CTNND2: variants seen among roughly 807,000 people sequenced by gnomAD.
CTNND2 encodes the protein catenin delta 2.
CTNND2 carries 22 observed loss-of-function variants against 144.4 expected under a neutral mutation model. That is an observed-to-expected ratio of 0.15 (90% CI 0.11 to 0.22). CTNND2 has a LOEUF of 0.22. Ranked by LOEUF, CTNND2 falls within the 10% of genes least tolerant of loss-of-function variation. The pLI, the probability that CTNND2 is intolerant of heterozygous loss-of-function variation, is 1.00. For synonymous variants in CTNND2, 751 were observed against 695.6 expected, an observed-to-expected ratio of 1.08 and a Z score of -1.25; for missense variants, 1,353 against 1,618.8, an observed-to-expected ratio of 0.84 and a Z score of 2.82.
At chr5:11,086,454 T>TA (rs1315288731) in intron 15 of CTNND2, among the ~76,000 whole-genome samples, 2 of 152,094 alleles carry the variant, frequency 1.3e-5, no homozygotes, top group Non-Finnish European at 2.9e-5. Flanking sequence ...GTGAGGAACG[T>TA]AAAATGTGGC....
In CTNND2 at chr5:11,460,830, T is replaced by C. The variant is rs528994297; in HGVS notation, c.288-48761A>G. 2.0e-5 allele frequency among the ~76,000 whole-genome samples: 3 copies of C among 152,140 alleles called. No individual in the cohort carries two copies. In the South Asian group the frequency reaches 6.2e-4, roughly 32 times the overall value. On this transcript the variant is annotated intron_variant, in intron 3 of 21. Transcript: ENST00000304623. ...ACTTTGGGAGGCTGAGGTGGGCGGA[T>C]CATGAGGTCAAGAAATCAAGACCAT...
At chr5:11,316,638 C>T (rs979783334) in intron 9 of CTNND2, among the ~76,000 whole-genome samples, 1 of 151,178 alleles carries the variant, frequency 6.6e-6, no homozygotes, top group African/African-American at 2.4e-5. Flanking sequence ...CTATCCCTCC[C>T]CCTTCCCCCC....
At chr5:11,497,582 T>G (rs902741620) in intron 3 of CTNND2, among the ~76,000 whole-genome samples, 2 of 140,942 alleles carry the variant, frequency 1.4e-5, no homozygotes, top group Non-Finnish European at 3.0e-5. Context: ...TTTAAAGTAC[T>G]GAAATATCTG....
chr5:10,980,113 G>A lies in CTNND2; in HGVS notation c.3417+1660C>T, dbSNP rs573925786. Among the ~76,000 whole-genome samples, 15 of 152,206 alleles carry A rather than the reference G, an allele frequency of 9.9e-5. No homozygotes were observed. The South Asian group carries it at 3.1e-3, about 32-fold the overall frequency. On this transcript the variant is annotated intron_variant, in intron 21 of 21. Coordinates refer to ENST00000304623, the MANE Select transcript of CTNND2 (RefSeq NM_001332.4). ...AAAGAAACTATCATCAGAGTGAACA[G>A]GCAACTATAGAATGGGAGAAATTTT...
chr5:11,087,528 G>T lies in CTNND2; in HGVS notation c.2638-4682C>A, dbSNP rs548924637. 4.6e-5 allele frequency among the ~76,000 whole-genome samples: 7 copies of T among 152,270 alleles called. No individual in the cohort carries two copies. The East Asian group carries it at 1.3e-3, about 29-fold the overall frequency. Reference sequence around the variant, plus strand: ...AGCACAAGGTCCTTCAAATGATGGGGTTACTCTGCAATGGATATAGAAGTC... The same window carrying T: ...AGCACAAGGTCCTTCAAATGATGGGTTTACTCTGCAATGGATATAGAAGTC... On this transcript the variant is annotated intron_variant, in intron 15 of 21. Coordinates refer to ENST00000304623, the MANE Select transcript of CTNND2 (RefSeq NM_001332.4).
intron 15 of CTNND2, among the ~76,000 whole-genome samples, chr5:11,090,623 A>G (rs1048839507): frequency 6.6e-6 from 1 of 152,182 alleles, no homozygotes; most frequent in African/African-American, 2.4e-5. Context: ...GAGGTGGAAC[A>G]GTTTCATTCC....
intron 3 of CTNND2, among the ~76,000 whole-genome samples, chr5:11,515,926 C>A (rs1772124093): frequency 6.6e-6 from 1 of 152,010 alleles, no homozygotes; most frequent in South Asian, 2.1e-4. Flanking sequence ...ATAGCAAGAA[C>A]CCATCTCTAC....
chr5:11,397,159 G>T lies in CTNND2; in HGVS notation c.484C>A (p.Pro162Thr). ...SQSALQLNSK[P>T]EGSFQYPASY... is the part of the protein sequence containing the mutation. ...GCCGGATACTGGAAAGACCCTTCAGGTTTGGAATTGAGCTGAAGTGCACTC... is the reference window on the plus strand; with the variant it reads ...GCCGGATACTGGAAAGACCCTTCAGTTTTGGAATTGAGCTGAAGTGCACTC... The change falls in exon 6 of 22, where the codon CCT (proline) becomes ACT (threonine). Residue 162 changes from proline to threonine, a missense_variant. By Grantham distance (38) the Pro-to-Thr change is conservative (BLOSUM62 -1). Around this residue, in one of 4 missense-constraint regions of CTNND2, gnomAD observed 708 missense variants for 706.4 expected, o/e 1.00. Coordinates refer to ENST00000304623, the MANE Select transcript of CTNND2 (RefSeq NM_001332.4). The T allele has an allele frequency of 1.2e-6, 2 of 1,614,232 alleles. No individual in the cohort carries two copies. The highest frequency in any genetic ancestry group is 1.3e-5 in the African/African-American group (1 of 75,066).
At chr5:11,856,779 AT>A (rs1211820984) in intron 1 of CTNND2, among the ~76,000 whole-genome samples, 1 of 152,190 alleles carries the variant, frequency 6.6e-6, no homozygotes, top group Non-Finnish European at 1.5e-5. Context: ...TATCTATAAT[AT>A]TTTTAAAATA....
chr5:11,094,480 CTTT>C (rs35048441), intron 15 of CTNND2, among the ~76,000 whole-genome samples: 8 of 127,858 alleles, frequency 6.3e-5, no homozygotes, highest in Non-Finnish European at 3.3e-5. Context: ...AGAGTTCTTG[CTTT>C]TTTTTTTTTT....
intron 12 of CTNND2, among the ~76,000 whole-genome samples, chr5:11,142,854 C>T (rs991554273): frequency 6.6e-5 from 10 of 152,120 alleles, no homozygotes; most frequent in South Asian, 2.1e-4. Flanking sequence ...CCTCGTGATC[C>T]GCCCGTCTCG....
Position 11,701,304 on chromosome 5 carries a change from C to T in CTNND2, c.174+30832G>A, listed in dbSNP as rs563854985. ...GGACCTTCCATGCAGAGAATTCCAT[C>T]GGATGTCACAGATAATGGCTGCCTT... is the stretch of plus-strand genomic sequence containing the variant. On this transcript the variant is annotated intron_variant, in intron 2 of 21. Coordinates refer to ENST00000304623, the MANE Select transcript of CTNND2 (RefSeq NM_001332.4). 5.9e-5 allele frequency among the ~76,000 whole-genome samples: 9 copies of T among 152,290 alleles called. No homozygotes were observed. The South Asian group carries it at 1.7e-3, about 28-fold the overall frequency.
chr5:11,334,821 A>C (rs1442475487), intron 9 of CTNND2, among the ~76,000 whole-genome samples: 1 of 152,226 alleles, frequency 6.6e-6, no homozygotes, highest in Non-Finnish European at 1.5e-5. Context: ...GAGGCCCCCA[A>C]ACTAAGGACC....
chr5:11,902,152 A>G (rs61761562), intron 1 of CTNND2, among the ~76,000 whole-genome samples: 1 of 152,328 alleles, frequency 6.6e-6, no homozygotes, highest in East Asian at 1.9e-4. Context: ...CTCCGAATGT[A>G]ATCGTCTTCC....
intron 1 of CTNND2, among the ~76,000 whole-genome samples, chr5:11,804,063 C>CT (rs1002496431): frequency 1.3e-5 from 2 of 152,176 alleles, no homozygotes; most frequent in African/African-American, 2.4e-5. Context: ...GGGCAAGACT[C>CT]TGACAGGGAC....
intron 10 of CTNND2, among the ~76,000 whole-genome samples, chr5:11,218,194 T>C (rs1054398647): frequency 6.6e-6 from 1 of 152,168 alleles, no homozygotes; most frequent in Non-Finnish European, 1.5e-5. Context: ...AAGTGTTATA[T>C]TTCTTACTCA....
intron 1 of CTNND2, among the ~76,000 whole-genome samples, chr5:11,888,515 T>A (rs772550634): frequency 6.6e-6 from 1 of 152,054 alleles, no homozygotes; most frequent in Non-Finnish European, 1.5e-5. Flanking sequence ...AGAATTCCAA[T>A]CTCTTATTTG....
intron 1 of CTNND2, among the ~76,000 whole-genome samples, chr5:11,767,030 A>G (rs1385987660): frequency 6.6e-6 from 1 of 152,046 alleles, no homozygotes; most frequent in Non-Finnish European, 1.5e-5. Flanking sequence ...CCATCCATCT[A>G]CATTGTCATC....
At chr5:11,286,293 A>G (rs1395104520) in intron 9 of CTNND2, among the ~76,000 whole-genome samples, 1 of 152,216 alleles carries the variant, frequency 6.6e-6, no homozygotes, top group Non-Finnish European at 1.5e-5. Flanking sequence ...TCTAGATACC[A>G]TCAATAATTT....
Sources: allele counts gnomAD v4.1 joint callset (sites outside exome capture counted in the v4.1 genomes callset), GRCh38; gene constraint gnomAD v4.1.1; regional missense constraint gnomAD v4.1.1; transcripts MANE v1.5; gene names NCBI Gene and HGNC (gene_info 2026-07-23, HGNC 2026-07-21).